Variants in NHSL1 observed in about 807,000 individuals in gnomAD.
The protein encoded by NHSL1 is NHS-like protein 1.
NHSL1 carries 48 observed loss-of-function variants against 95.0 expected under a neutral mutation model. That is an observed-to-expected ratio of 0.51 (90% confidence interval 0.40 to 0.64). The LOEUF (loss-of-function observed/expected upper bound fraction) is 0.64. Ranked by LOEUF, NHSL1 falls within the 30% of genes least tolerant of loss-of-function variation. NHSL1 has a pLI of 0.00. For synonymous variants in NHSL1, 783 were observed against 833.9 expected, an observed-to-expected ratio of 0.94 and a Z score of 1.05; for missense variants, 1,971 against 2,077.7, an observed-to-expected ratio of 0.95 and a Z score of 1.00.
chr6:138,508,470 A>C (rs1781071320), intron 1 of NHSL1, among the ~76,000 whole-genome samples: 2 of 152,216 alleles, frequency 1.3e-5, no homozygotes, highest in African/African-American at 4.8e-5. Context: ...AGAAAGTCAT[A>C]AGGAACATTT....
At chr6:138,571,573 C>T (rs1783839942) in intron 1 of NHSL1, 3 of 751,960 alleles carry the variant, frequency 4.0e-6, no homozygotes, top group East Asian at 2.7e-5. Flanking sequence ...CAAATGACGC[C>T]GAATTCCAAT....
At chr6:138,574,814 T>G (rs1438625639), upstream of NHSL1, among the ~76,000 whole-genome samples, 1 of 151,816 alleles carries the variant, frequency 6.6e-6, no homozygotes, top group Non-Finnish European at 1.5e-5. Flanking sequence ...GTTGCACCAC[T>G]GCACTCCAGC....
chr6:138,529,301 G>A (rs1244805927), intron 1 of NHSL1, among the ~76,000 whole-genome samples: 2 of 152,250 alleles, frequency 1.3e-5, no homozygotes, highest in Middle Eastern at 3.4e-3. Context: ...AGTTCTACTG[G>A]AAATCAAATC....
chr6:138,607,196 T>G (rs1278646592), intron 1 of NHSL1, among the ~76,000 whole-genome samples: 1 of 152,224 alleles, frequency 6.6e-6, no homozygotes, highest in Non-Finnish European at 1.5e-5. Context: ...CTGACACTCT[T>G]AAGTGCTCAA....
chr6:138,449,080 AAC>A (rs1368077663), intron 3 of NHSL1, among the ~76,000 whole-genome samples: 1 of 151,904 alleles, frequency 6.6e-6, no homozygotes, highest in Non-Finnish European at 1.5e-5. Flanking sequence ...AAAAAATTCA[AAC>A]ACAAGAATAC....
intron 2 of NHSL1, among the ~76,000 whole-genome samples, chr6:138,485,518 A>T (rs1562317694): frequency 6.6e-6 from 1 of 150,732 alleles, no homozygotes. Context: ...AAAAGCAATG[A>T]TTGTTCATTT....
At chr6:138,582,720 A>G (rs572744523) in intron 1 of NHSL1, among the ~76,000 whole-genome samples, 2 of 152,166 alleles carry the variant, frequency 1.3e-5, no homozygotes, top group South Asian at 4.1e-4. Flanking sequence ...TGCACCTTCA[A>G]TCTGTCCTCC....
chr6:138,658,891 C>A (rs1183461094), intron 1 of NHSL1, among the ~76,000 whole-genome samples: 1 of 151,938 alleles, frequency 6.6e-6, no homozygotes, highest in African/African-American at 2.4e-5. Flanking sequence ...ATAGTTGTAC[C>A]CGTTTCCCCC....
At position 138,652,849 on chromosome 6, in the gene NHSL1, T is replaced by A. The variant is rs113954992; in HGVS notation, c.96+39627A>T. 3.6e-3 allele frequency among the ~76,000 whole-genome samples: 541 copies of A among 152,324 alleles called. 11 individuals are homozygous for A. Among genetic ancestry groups the A allele is most frequent in the African/African-American group, 0.012 (513 of 41,580 alleles). ...ATACACCCACATGCAGAATGTTCCA[T>A]CACTTTTTAAAATTTTAATTACCTC... On this transcript the variant is annotated intron_variant, in intron 1 of 3. Transcript: ENST00000491526.
chr6:138,568,031 A>G (rs1212791030), intron 1 of NHSL1, among the ~76,000 whole-genome samples: 1 of 152,212 alleles, frequency 6.6e-6, no homozygotes, highest in Non-Finnish European at 1.5e-5. Context: ...TTGAGTGAGC[A>G]AGAAAGGGAA....
intron 1 of NHSL1, among the ~76,000 whole-genome samples, chr6:138,626,774 G>A (rs1171241945): frequency 1.8e-5 from 2 of 112,144 alleles, no homozygotes; most frequent in African/African-American, 3.9e-5. Context: ...GGCGCCTGTC[G>A]TCCCAGCTAC....
intron 1 of NHSL1, among the ~76,000 whole-genome samples, chr6:138,506,114 A>T (rs1780951361): frequency 6.6e-6 from 1 of 152,232 alleles, no homozygotes. Flanking sequence ...TAAAATGTAC[A>T]GAGTAGTAAG....
At position 138,430,907 on chromosome 6, in the gene NHSL1, ACTCGAG is replaced by A. The variant is rs1324100780; in HGVS notation, c.3432_3437del (p.Ser1145_Ser1146del). The A allele has an allele frequency of 3.9e-6, 6 of 1,551,354 alleles. No homozygotes were observed. The highest frequency in any genetic ancestry group is 1.7e-4 in the Middle Eastern group (1 of 6,012). On this transcript the variant is annotated inframe_deletion, in exon 6 of 8. Transcript: ENST00000343505. The surrounding 1 kb of genome is among the most constrained non-coding windows in gnomAD (Gnocchi z 4.7). ...CAGCCGCACTGCCATGGTCACCCTG[ACTCGAG>A]CTCTTGGCAGGCGTCGGAAGCGAGC...
intron 3 of NHSL1, among the ~76,000 whole-genome samples, chr6:138,469,331 G>T (rs899959169): frequency 3.9e-5 from 6 of 152,214 alleles, no homozygotes; most frequent in Non-Finnish European, 8.8e-5. Context: ...CCTGCAGGAA[G>T]CGGTAGAGAA....
chr6:138,627,321 A>G (rs1461739078), intron 1 of NHSL1, among the ~76,000 whole-genome samples: 1 of 152,224 alleles, frequency 6.6e-6, no homozygotes, highest in Non-Finnish European at 1.5e-5. Flanking sequence ...AAGTTTTTTT[A>G]TATGTACCAA....
In NHSL1 at chr6:138,496,310, C is replaced by T. The variant is rs2128285398; in HGVS notation, c.120G>A (p.Gln40=). The T allele has an allele frequency of 6.4e-7, 1 of 1,550,812 alleles. No individual in the cohort carries two copies. The highest frequency in any genetic ancestry group is 2.4e-5 in the East Asian group (1 of 40,908). Residue 40 remains glutamine (Q), a synonymous_variant, in exon 2 of 8, where the codon CAG becomes CAA. Coordinates refer to ENST00000343505, the MANE Select transcript of NHSL1 (RefSeq NM_001144060.2). ...TGGTGGGAAGGAACACATTCTCCTG[C>T]TGGTGCCACGGGGCAGTGTAGTGGA... ...WTVHYTAPWH[Q]QENVFLPTTR... is the part of the protein sequence containing the mutation.
upstream of NHSL1, among the ~76,000 whole-genome samples, chr6:138,547,494 C>T (rs545784496): frequency 2.0e-5 from 3 of 152,336 alleles, no homozygotes; most frequent in African/African-American, 7.2e-5. Context: ...CATTCTCCTG[C>T]CTCAGCCTTC....
chr6:138,459,429 G>T (rs1003012600), intron 3 of NHSL1, among the ~76,000 whole-genome samples: 1 of 152,078 alleles, frequency 6.6e-6, no homozygotes, highest in Non-Finnish European at 1.5e-5. Flanking sequence ...GTTATTGATT[G>T]CTGTATATTA....
At chr6:138,467,442 A>G (rs1778466285) in intron 3 of NHSL1, among the ~76,000 whole-genome samples, 2 of 152,144 alleles carry the variant, frequency 1.3e-5, no homozygotes, top group Non-Finnish European at 2.9e-5. Flanking sequence ...GTAAGCCACC[A>G]CGCCCGGCCA....
Sources: allele counts gnomAD v4.1 joint callset (sites outside exome capture counted in the v4.1 genomes callset), GRCh38; gene constraint gnomAD v4.1.1; non-coding constraint Gnocchi (gnomAD v3.1); transcripts MANE v1.5; gene names NCBI Gene and HGNC (gene_info 2026-07-23, HGNC 2026-07-21).